PEX14: variants seen among roughly 807,000 people sequenced by gnomAD.
PEX14 encodes peroxisomal membrane protein PEX14.
Under a neutral mutation model 49.5 loss-of-function variants are expected in PEX14, and 15 were observed. The ratio of observed to expected loss-of-function variants is 0.30; its 90% CI spans 0.20 to 0.47. The LOEUF is 0.47. PEX14 is among the 20% of genes least tolerant of loss of function. PEX14 has a pLI of 1.00. For missense variants in PEX14, 398 were observed against 494.8 expected (o/e 0.80, Z 1.86); for synonymous variants, 210 against 212.7 (o/e 0.99, Z 0.11).
chr1:10,531,462 A>G (rs1304987348), intron 2 of PEX14, among the ~76,000 whole-genome samples: 2 of 152,204 alleles, frequency 1.3e-5, no homozygotes, highest in Non-Finnish European at 2.9e-5. Flanking sequence ...GCTTGTTAAC[A>G]GGATTCTGGG....
rs576845689 is a variant in PEX14 at position 10,618,490 on chromosome 1, C to T, written c.384+73C>T. On this transcript the variant is annotated intron_variant, in intron 5 of 8. Coordinates refer to ENST00000356607, the MANE Select transcript of PEX14 (RefSeq NM_004565.3). ...GGCATTCAGCACCCTTTCACTGGTT[C>T]CCCTGCATGGAGGCACTGCCGTGCT... The T allele has an allele frequency of 2.2e-5, 25 of 1,149,222 alleles. No individual in the cohort carries two copies. In the South Asian group the frequency reaches 3.0e-4, roughly 14 times the overall value. The allele number at this position is 1,149,222 out of a possible 1,614,324, so 71.2% of individuals were successfully genotyped here.
chr1:10,564,454 G>A (rs1336201936), intron 3 of PEX14, among the ~76,000 whole-genome samples: 2 of 148,494 alleles, frequency 1.3e-5, no homozygotes, highest in Non-Finnish European at 3.0e-5. Context: ...TTGAGACAAA[G>A]ATTTCACTGT....
At chr1:10,544,947 G>T (rs922480867) in intron 3 of PEX14, among the ~76,000 whole-genome samples, 1 of 152,052 alleles carries the variant, frequency 6.6e-6, no homozygotes, top group Non-Finnish European at 1.5e-5. Flanking sequence ...GTATTTTGGG[G>T]AGATAGGGTT....
intron 2 of PEX14, among the ~76,000 whole-genome samples, chr1:10,500,132 G>A (rs1029127010): frequency 7.3e-6 from 1 of 137,532 alleles, no homozygotes; most frequent in African/African-American, 2.5e-5. Context: ...GGCAAGGCAC[G>A]GTGCTCACGC....
intron 5 of PEX14, among the ~76,000 whole-genome samples, chr1:10,621,539 G>T (rs898644642): frequency 6.6e-6 from 1 of 152,060 alleles, no homozygotes; most frequent in African/African-American, 2.4e-5. Flanking sequence ...TAGAGACGGA[G>T]TTTCACTGTG....
intron 2 of PEX14, among the ~76,000 whole-genome samples, chr1:10,507,026 T>C (rs920392554): frequency 2.0e-5 from 3 of 152,266 alleles, no homozygotes; most frequent in South Asian, 2.1e-4. Context: ...TCCGATCACA[T>C]AGGCCAGGAG....
chr1:10,532,446 T>A (rs957785606), intron 2 of PEX14, among the ~76,000 whole-genome samples: 2 of 152,170 alleles, frequency 1.3e-5, no homozygotes, highest in Non-Finnish European at 2.9e-5. Context: ...GTTTGTTGTC[T>A]TTATTTTGAT....
At chr1:10,553,412 C>T (rs1639391256) in intron 3 of PEX14, among the ~76,000 whole-genome samples, 1 of 152,158 alleles carries the variant, frequency 6.6e-6, no homozygotes. Flanking sequence ...AGTGGTTGGC[C>T]AGAGGCGGAT....
At position 10,495,967 on chromosome 1, in the gene PEX14, A is replaced by G. The variant is rs913363067; in HGVS notation, c.84+646A>G. 2.0e-5 allele frequency among the ~76,000 whole-genome samples: 3 copies of G among 152,096 alleles called. No individual in the cohort carries two copies. Among genetic ancestry groups the G allele is most frequent in the Non-Finnish European group, 4.4e-5 (3 of 68,020 alleles). On this transcript the variant is annotated intron_variant, in intron 2 of 8. Coordinates refer to ENST00000356607, the MANE Select transcript of PEX14 (RefSeq NM_004565.3). The surrounding 1 kb of genome is among the most constrained non-coding windows in gnomAD (Gnocchi z 4.2). Reference sequence around the variant, plus strand: ...GTAAGACTGGCTCTGTATAAACCAGATAAGTTTGATGGGAGAGCCAGCTCT... The same window carrying G: ...GTAAGACTGGCTCTGTATAAACCAGGTAAGTTTGATGGGAGAGCCAGCTCT...
chr1:10,590,163 C>T (rs1640618345), intron 3 of PEX14, among the ~76,000 whole-genome samples: 1 of 152,170 alleles, frequency 6.6e-6, no homozygotes, highest in African/African-American at 2.4e-5. Flanking sequence ...CAAGTGTCTA[C>T]TTCTGGCACT....
At chr1:10,610,426 T>G (rs370780591) in intron 4 of PEX14, among the ~76,000 whole-genome samples, 6 of 150,370 alleles carry the variant, frequency 4.0e-5, no homozygotes, top group Admixed American at 1.3e-4. Flanking sequence ...GAGAGAGAGA[T>G]ATCATTCTTT....
chr1:10,549,278 A>G (rs1448877558), intron 3 of PEX14, among the ~76,000 whole-genome samples: 1 of 152,238 alleles, frequency 6.6e-6, no homozygotes, highest in Non-Finnish European at 1.5e-5. Context: ...TAACACTGAC[A>G]GTAGTAAACC....
chr1:10,480,440 C>A (rs1557802587), intron 1 of PEX14, among the ~76,000 whole-genome samples: 1 of 130,350 alleles, frequency 7.7e-6, no homozygotes, highest in Non-Finnish European at 1.5e-5. Context: ...GTCTCCCGAT[C>A]TGGAGTACAG....
chr1:10,514,545 GACGCA>G lies in PEX14; in HGVS notation c.84+19227_84+19231del. Among the ~76,000 whole-genome samples the G allele has an allele frequency of 6.6e-6, 1 of 152,278 alleles. No individual in the cohort carries two copies. Among genetic ancestry groups the G allele is most frequent in the South Asian group, 2.1e-4 (1 of 4,818 alleles). On this transcript the variant is annotated intron_variant, in intron 2 of 8. Transcript: ENST00000356607. The surrounding 1 kb of genome is among the most constrained non-coding windows in gnomAD (Gnocchi z 4.4). ...GTTCACACAGGAACTTTGGGCCTAA[GACGCA>G]ACTCAAGGGAAAGCCATTGGGGAAT... is the stretch of plus-strand genomic sequence containing the variant.
chr1:10,558,772 C>T (rs1229036727), intron 3 of PEX14, among the ~76,000 whole-genome samples: 1 of 150,122 alleles, frequency 6.7e-6, no homozygotes, highest in Non-Finnish European at 1.5e-5. Context: ...AAAGAAATTA[C>T]TTTGGAAAGA....
In PEX14 at chr1:10,629,750, C is replaced by A; in HGVS notation, c.897C>A (p.Gly299=). The change falls in exon 9 of 9, where the codon GGC becomes GGA. Residue 299 remains glycine (G), a synonymous_variant. Coordinates refer to ENST00000356607, the MANE Select transcript of PEX14 (RefSeq NM_004565.3). This position sits in a 1 kb window ranked among gnomAD's most constrained non-coding sequence, Gnocchi z 8.5. ...TYHLLGPQEE[G]EGVVDVKGQV... ...ACTTGCTGGGCCCCCAGGAGGAAGGCGAGGGGGTGGTGGACGTCAAGGGCC... is the reference window on the plus strand; with the variant it reads ...ACTTGCTGGGCCCCCAGGAGGAAGGAGAGGGGGTGGTGGACGTCAAGGGCC... The A allele has an allele frequency of 6.3e-7, 1 of 1,588,340 alleles. No individual in the cohort carries two copies. Among genetic ancestry groups the A allele is most frequent in the East Asian group, 2.3e-5 (1 of 43,452 alleles).
At chr1:10,605,816 C>G (rs1342792419) in intron 4 of PEX14, among the ~76,000 whole-genome samples, 2 of 152,152 alleles carry the variant, frequency 1.3e-5, no homozygotes, top group African/African-American at 4.8e-5. Flanking sequence ...GAAAGTATTT[C>G]TTTAATTTTG....
At chr1:10,496,749 A>G (rs924231805) in intron 2 of PEX14, among the ~76,000 whole-genome samples, 1 of 151,610 alleles carries the variant, frequency 6.6e-6, no homozygotes, top group East Asian at 1.9e-4. Context: ...TGTACTGTGC[A>G]TCTGCTTGTT....
chr1:10,481,607 A>G (rs1641284716), intron 1 of PEX14, among the ~76,000 whole-genome samples: 1 of 150,406 alleles, frequency 6.6e-6, no homozygotes, highest in Non-Finnish European at 1.5e-5. Flanking sequence ...ATGCCCAGCT[A>G]ATTATTTTTT....
Sources: allele counts gnomAD v4.1 joint callset (sites outside exome capture counted in the v4.1 genomes callset), GRCh38; gene constraint gnomAD v4.1.1; non-coding constraint Gnocchi (gnomAD v3.1); transcripts MANE v1.5; gene names NCBI Gene and HGNC (gene_info 2026-07-23, HGNC 2026-07-21).